The following BRINP2 variants were observed in gnomAD, a reference collection of about 807,000 sequenced individuals.
BRINP2 encodes the protein BMP/retinoic acid inducible neural specific 2.
BRINP2 carries 21 observed loss-of-function variants against 69.2 expected under a neutral mutation model. That is an observed-to-expected ratio of 0.30 (90% confidence interval 0.22 to 0.44). The LOEUF is 0.44. BRINP2 is among the 20% of genes least tolerant of loss of function. The pLI is 1.00. For missense variants in BRINP2, 877 were observed against 986.0 expected (o/e 0.89, Z 1.48); for synonymous variants, 380 against 394.1 (o/e 0.96, Z 0.42).
At chr1:177,245,413 G>A (rs1650343220) in intron 2 of BRINP2, among the ~76,000 whole-genome samples, 1 of 152,036 alleles carries the variant, frequency 6.6e-6, no homozygotes, top group Admixed American at 6.6e-5. Flanking sequence ...AATACCAGAG[G>A]GGCTATTTCT....
chr1:177,248,444 T>TGTGTGTGTGTGCGTGC, intron 2 of BRINP2, among the ~76,000 whole-genome samples: 1 of 151,280 alleles, frequency 6.6e-6, no homozygotes, highest in East Asian at 1.9e-4. Context: ...TTTGTGTGTG[T>TGTGTGTGTGTGCGTGC]GTGTGTGTGT....
intron 1 of BRINP2, among the ~76,000 whole-genome samples, chr1:177,216,909 C>A (rs954047690): frequency 9.3e-5 from 14 of 150,168 alleles, no homozygotes; most frequent in African/African-American, 3.2e-4. Context: ...TATTTCTTAT[C>A]TCTTGCTGCT....
chr1:177,222,162 AAAC>A (rs1306934980), intron 1 of BRINP2, among the ~76,000 whole-genome samples: 1 of 152,234 alleles, frequency 6.6e-6, no homozygotes, highest in Non-Finnish European at 1.5e-5. Flanking sequence ...TCTCACCTGT[AAAC>A]AACAACAAAA....
chr1:177,260,649 A>G (rs1054138036), intron 4 of BRINP2, among the ~76,000 whole-genome samples: 4 of 152,196 alleles, frequency 2.6e-5, no homozygotes, highest in Non-Finnish European at 5.9e-5. Flanking sequence ...AGCCATCAAC[A>G]TCAAGGCAGG....
At chr1:177,244,514 C>T (rs528804736) in intron 2 of BRINP2, among the ~76,000 whole-genome samples, 27 of 152,282 alleles carry the variant, frequency 1.8e-4, no homozygotes, top group Non-Finnish European at 1.9e-4. Flanking sequence ...CCTGTCGTCC[C>T]AGCTACTCGG....
rs1377330173 is a variant in BRINP2 at position 177,281,837 on chromosome 1, A to T, written c.*309A>T. The T allele has an allele frequency of 1.6e-5, 4 of 249,610 alleles. No individual in the cohort carries two copies. The highest frequency in any genetic ancestry group is 2.8e-4 in the South Asian group (2 of 7,232). The allele number at this position is 249,610 out of a possible 1,614,324, so 15.5% of individuals were successfully genotyped here. A position where few individuals can be genotyped will look rare whatever the true frequency, so the allele number is the denominator to read the frequency against. On this transcript the variant is annotated 3_prime_UTR_variant, in exon 8 of 8. Coordinates refer to ENST00000361539, the MANE Select transcript of BRINP2 (RefSeq NM_021165.4). The stretch of plus-strand genomic sequence containing the variant: ...TTGAAAGAAAGGAGCCAAGGAAGAG[A>T]TTAAGAAAAAGAACCAGCTGAACCA...
At chr1:177,256,463 A>G (rs113808924) in intron 3 of BRINP2, 32 of 985,296 alleles carry the variant, frequency 3.2e-5, no homozygotes, top group Non-Finnish European at 3.9e-5. Flanking sequence ...GGTCAGACCC[A>G]CAGGCAAAAA....
intron 5 of BRINP2, 117 bp from the exon 6 acceptor site, chr1:177,276,081 T>TG (rs1651483981): frequency 1.1e-6 from 1 of 952,302 alleles, no homozygotes; most frequent in Admixed American, 1.9e-5. Context: ...TGCCCATGCT[T>TG]GGGCCCAGGA....
At chr1:177,230,861 A>C (rs1201440432) in intron 2 of BRINP2, among the ~76,000 whole-genome samples, 1 of 152,110 alleles carries the variant, frequency 6.6e-6, no homozygotes, top group South Asian at 2.1e-4. Flanking sequence ...GTGAACTCAA[A>C]ATTCTCTTTG....
At chr1:177,182,793 C>T (rs1648299589) in intron 1 of BRINP2, among the ~76,000 whole-genome samples, 1 of 152,038 alleles carries the variant, frequency 6.6e-6, no homozygotes, top group African/African-American at 2.4e-5. Flanking sequence ...CTACATTAGC[C>T]TCAGGATGCA....
At chr1:177,257,825 C>A (rs1650819176) in intron 4 of BRINP2, among the ~76,000 whole-genome samples, 2 of 152,120 alleles carry the variant, frequency 1.3e-5, no homozygotes, top group South Asian at 4.1e-4. Flanking sequence ...TGATAAGAAA[C>A]CAGCTGTGTG....
At chr1:177,215,210 T>C (rs1571903088) in intron 1 of BRINP2, among the ~76,000 whole-genome samples, 1 of 152,336 alleles carries the variant, frequency 6.6e-6, no homozygotes, top group South Asian at 2.1e-4. Context: ...TCAATTCCAT[T>C]TGTGTTGTCA....
chr1:177,214,895 G>T (rs1407634358), intron 1 of BRINP2, among the ~76,000 whole-genome samples: 2 of 152,108 alleles, frequency 1.3e-5, no homozygotes, highest in Non-Finnish European at 2.9e-5. Flanking sequence ...TCAAATATTT[G>T]ACATTTTTGT....
At chr1:177,175,883 G>A (rs1352410280) in intron 1 of BRINP2, among the ~76,000 whole-genome samples, 11 of 152,206 alleles carry the variant, frequency 7.2e-5, no homozygotes, top group Non-Finnish European at 1.6e-4. Flanking sequence ...CCACTGCTAT[G>A]TTTGGGGGCT....
At chr1:177,173,038 C>T (rs1206143632) in intron 1 of BRINP2, among the ~76,000 whole-genome samples, 2 of 152,162 alleles carry the variant, frequency 1.3e-5, no homozygotes, top group African/African-American at 2.4e-5. Context: ...TACCAAATCC[C>T]CCGGGGGGCA....
At chr1:177,181,942 G>A (rs922949470) in intron 1 of BRINP2, among the ~76,000 whole-genome samples, 2 of 152,232 alleles carry the variant, frequency 1.3e-5, no homozygotes, top group Non-Finnish European at 2.9e-5. Flanking sequence ...GGAGTGGCCG[G>A]TACCTTTCCT....
At chr1:177,190,593 G>A (rs1037055355) in intron 1 of BRINP2, among the ~76,000 whole-genome samples, 3 of 152,172 alleles carry the variant, frequency 2.0e-5, no homozygotes. Context: ...GGGGGAGTTA[G>A]ATCCCTCTTT....
At chr1:177,189,603 G>C (rs1521441) in intron 1 of BRINP2, among the ~76,000 whole-genome samples, 89,930 of 152,078 alleles carry the variant, frequency 0.59, 28,121 homozygotes, top group African/African-American at 0.8. Flanking sequence ...CTGTCTGGAG[G>C]TAAGACATGT....
At chr1:177,256,793 G>A in intron 3 of BRINP2, 1 of 1,136,828 alleles carries the variant, frequency 8.8e-7, no homozygotes, top group Non-Finnish European at 1.1e-6. Flanking sequence ...GGAGGAGGGA[G>A]ATGCCCCTTC....
Sources: allele counts gnomAD v4.1 joint callset (sites outside exome capture counted in the v4.1 genomes callset), GRCh38; gene constraint gnomAD v4.1.1; transcripts MANE v1.5; gene names NCBI Gene and HGNC (gene_info 2026-07-23, HGNC 2026-07-21).